The following WARS1 variants were observed in gnomAD, a reference collection of about 807,000 sequenced individuals.
WARS1 encodes the protein tryptophanyl-tRNA synthetase 1.
WARS1 carries 17 observed loss-of-function variants against 47.8 expected under a neutral mutation model. The ratio of observed to expected loss-of-function variants is 0.36; its 90% CI spans 0.24 to 0.53. WARS1 has a LOEUF of 0.53. Ranked by LOEUF, WARS1 falls within the 20% of genes least tolerant of loss-of-function variation. WARS1 has a pLI of 0.91. For missense variants in WARS1, 434 were observed against 608.0 expected, an observed-to-expected ratio of 0.71 and a Z score of 3.01; for synonymous variants, 208 against 228.1, an observed-to-expected ratio of 0.91 and a Z score of 0.79.
chr14:100,350,167 G>A (rs1199736967), intron 6 of WARS1, among the ~76,000 whole-genome samples: 1 of 68,706 alleles, frequency 1.5e-5, no homozygotes, highest in East Asian at 4.9e-4. Context: ...TGGTCGAGGC[G>A]GGTGGATCAC....
chr14:100,337,789 T>C (rs912317500), intron 9 of WARS1, among the ~76,000 whole-genome samples: 1 of 151,930 alleles, frequency 6.6e-6, no homozygotes, highest in African/African-American at 2.4e-5. Context: ...ACTCAGGAGT[T>C]TGAGGTTATA....
intron 1 of WARS1, among the ~76,000 whole-genome samples, chr14:100,371,779 GA>G (rs1371382366): frequency 1.3e-5 from 2 of 152,050 alleles, no homozygotes; most frequent in Non-Finnish European, 2.9e-5. Context: ...CGGGTGCTGT[GA>G]GCGGTGGCTC....
At chr14:100,353,604 G>A in intron 6 of WARS1, 83 bp downstream of exon 6, 2 of 1,503,296 alleles carry the variant, frequency 1.3e-6, no homozygotes, top group South Asian at 1.3e-5. Context: ...GACCATTTCA[G>A]TTGTTTCGAA....
At chr14:100,358,872 C>T (rs1363974119) in intron 4 of WARS1, among the ~76,000 whole-genome samples, 1 of 152,170 alleles carries the variant, frequency 6.6e-6, no homozygotes, top group African/African-American at 2.4e-5. Flanking sequence ...TCTGAATAGA[C>T]ATTTCTCTAA....
intron 6 of WARS1, 116 bp from the exon 7 acceptor site, chr14:100,346,962 C>G: frequency 1.1e-6 from 1 of 871,346 alleles, no homozygotes; most frequent in Non-Finnish European, 1.8e-6. Context: ...CTCGGGGCCA[C>G]ATTGTGGTCA....
Position 100,353,719 on chromosome 14 carries a change from C to T in WARS1, c.693G>A (p.Lys231=), listed in dbSNP as rs552636530. The part of the protein sequence containing the change: ...DIIACGFDIN[K]TFIFSDLDYM... ...AGTCCAGGTCAGAGAATATGAAAGT[C>T]TTGTTGATGTCAAAGCCACAGGCGA... is the stretch of plus-strand genomic sequence containing the variant. The change falls in exon 6 of 11, where the codon AAG becomes AAA. Residue 231 remains lysine (K), a synonymous_variant. Transcript: ENST00000392882. 6.2e-7 allele frequency: 1 copy of T among 1,614,194 alleles called. No individual in the cohort carries two copies. The highest frequency in any genetic ancestry group is 1.7e-5 in the Admixed American group (1 of 60,026).
intron 1 of WARS1, among the ~76,000 whole-genome samples, chr14:100,372,361 C>A (rs1896405197): frequency 6.6e-6 from 1 of 152,036 alleles, no homozygotes; most frequent in South Asian, 2.1e-4. Flanking sequence ...GTATGTAAAT[C>A]AAAACTTATT....
intron 9 of WARS1, among the ~76,000 whole-genome samples, chr14:100,339,312 G>GC (rs1378866580): frequency 6.6e-6 from 1 of 151,426 alleles, no homozygotes; most frequent in Admixed American, 6.6e-5. Context: ...CATGCGAGGG[G>GC]CTGGCGCAGT....
At chr14:100,339,037 C>T (rs534872528) in intron 9 of WARS1, among the ~76,000 whole-genome samples, 150 of 151,568 alleles carry the variant, frequency 9.9e-4, no homozygotes, top group Middle Eastern at 3.4e-3. Flanking sequence ...ACCCGGGAGG[C>T]GGAGGTTGTG....
Position 100,346,742 on chromosome 14 carries a change from T to C in WARS1, c.826+4A>G. The C allele has an allele frequency of 6.2e-7, 1 of 1,612,804 alleles. No homozygotes were observed. Among genetic ancestry groups the C allele is most frequent in the Non-Finnish European group, 8.5e-7 (1 of 1,178,792 alleles). The stretch of plus-strand genomic sequence containing the variant: ...GTGGTCCACAGCAGCAGTGGGCCTC[T>C]TACCAATGCAGTCGCTGTCAGTGAA... On this transcript the variant is annotated splice_donor_region_variant and intron_variant, in intron 7 of 10. Transcript: ENST00000392882.
At position 100,334,862 on chromosome 14, in the gene WARS1, T is replaced by C; in HGVS notation, c.*13A>G. 6.2e-7 allele frequency: 1 copy of C among 1,613,304 alleles called. No individual in the cohort carries two copies. The stretch of plus-strand genomic sequence containing the variant: ...ATACATCACTTCTTTTATAAGCATA[T>C]GTAAAACGAGTGCTACTGAAAGTCG... On this transcript the variant is annotated 3_prime_UTR_variant, in exon 11 of 11. Transcript: ENST00000392882.
chr14:100,343,213 A>C lies in WARS1; in HGVS notation c.939+62T>G, dbSNP rs1894292282. On this transcript the variant is annotated intron_variant, in intron 8 of 10. Coordinates refer to ENST00000392882, the MANE Select transcript of WARS1 (RefSeq NM_004184.4). ...CTTTCAATACCTCTCCCCGCTGAAGAGTAAGAGGAACCTGCTGTCAATGCC... is the reference window on the plus strand; with the variant it reads ...CTTTCAATACCTCTCCCCGCTGAAGCGTAAGAGGAACCTGCTGTCAATGCC... 2.1e-6 allele frequency: 3 copies of C among 1,405,292 alleles called. No individual in the cohort carries two copies. In the South Asian group the frequency reaches 3.8e-5, roughly 18 times the overall value. 87.1% of individuals were successfully genotyped at this position (1,405,292 alleles called of 1,614,324 possible). A position where few individuals can be genotyped will look rare whatever the true frequency, so the allele number is the denominator to read the frequency against.
chr14:100,344,856 G>A (rs1230980802), intron 7 of WARS1, among the ~76,000 whole-genome samples: 2 of 148,040 alleles, frequency 1.4e-5, no homozygotes, highest in African/African-American at 5.0e-5. Context: ...GCAACCGCCC[G>A]CCTGAGAAGT....
At position 100,366,768 on chromosome 14, in the gene WARS1, A is replaced by G. The variant is rs1238119676; in HGVS notation, c.99+2319T>C. On this transcript the variant is annotated intron_variant, in intron 2 of 10. Transcript: ENST00000392882. ...GGGCTAAGGGATCCGTGGGGCCACA[A>G]TGAAGCTTGAAGATACATGGGTGGC... 3.5e-5 allele frequency: 37 copies of G among 1,043,826 alleles called. No individual in the cohort carries two copies. In the Admixed American group the frequency reaches 4.2e-4, roughly 12 times the overall value. 64.7% of individuals were successfully genotyped at this position (1,043,826 alleles called of 1,614,324 possible). A position where few individuals can be genotyped will look rare whatever the true frequency, so the allele number is the denominator to read the frequency against.
At chr14:100,364,817 T>A (rs997273936) in intron 2 of WARS1, among the ~76,000 whole-genome samples, 1 of 152,244 alleles carries the variant, frequency 6.6e-6, no homozygotes, top group African/African-American at 2.4e-5. Flanking sequence ...CCCAAAATGA[T>A]GGGCTTACAT....
rs1363142501 is a variant in WARS1 at position 100,342,679 on chromosome 14, CAAAG to C, written c.940-112_940-109del. Reference sequence around the variant, plus strand: ...CCCAGAAGGCTCTCATGCTTCCAACCAAAGAAATTCACTCCCTCCTCCCCTTCAT... The same window carrying C: ...CCCAGAAGGCTCTCATGCTTCCAACCAAATTCACTCCCTCCTCCCCTTCAT... On this transcript the variant is annotated intron_variant, in intron 8 of 10. Coordinates refer to ENST00000392882, the MANE Select transcript of WARS1 (RefSeq NM_004184.4). 3 of 1,023,982 alleles carry C rather than the reference CAAAG, an allele frequency of 2.9e-6. No individual in the cohort carries two copies. In the Admixed American group the frequency reaches 8.8e-5, roughly 30 times the overall value. The allele number at this position is 1,023,982 out of a possible 1,614,324, so 63.4% of individuals were successfully genotyped here. A position where few individuals can be genotyped will look rare whatever the true frequency, so the allele number is the denominator to read the frequency against.
chr14:100,376,300 C>G (rs2273804), upstream of WARS1: 247,344 of 1,026,592 alleles, frequency 0.24, 31,279 homozygotes, highest in Non-Finnish European at 0.26. Context: ...GCTCAGCAAC[C>G]GGCTGTCTCC....
chr14:100,351,117 A>C (rs1894951231), intron 6 of WARS1, among the ~76,000 whole-genome samples: 2 of 152,250 alleles, frequency 1.3e-5, no homozygotes, highest in South Asian at 2.1e-4. Context: ...ATGTCATCTA[A>C]GGAGGAGAGC....
chr14:100,340,917 C>CTT lies in WARS1; in HGVS notation c.1113+1479_1113+1480dup, dbSNP rs71113263. ...TAAACAAGTTTTTCTTTTTTCTTTTCTTTTTTTTTTTTTTTGAGCTGGAGT... is the reference window on the plus strand; with the variant it reads ...TAAACAAGTTTTTCTTTTTTCTTTTCTTTTTTTTTTTTTTTTTGAGCTGGAGT... On this transcript the variant is annotated intron_variant, in intron 9 of 10. Transcript: ENST00000392882. Among the ~76,000 whole-genome samples, 364 of 137,230 alleles carry CTT rather than the reference C, an allele frequency of 2.7e-3. 5 individuals carry two copies. Among genetic ancestry groups the CTT allele is most frequent in the South Asian group, 6.1e-3 (26 of 4,268 alleles). 90.0% of individuals were successfully genotyped at this position (137,230 alleles called of 152,430 possible).
Sources: gnomAD v4.1 joint callset for allele counts (sites outside exome capture counted in the v4.1 genomes callset) on GRCh38, gnomAD v4.1.1 for gene constraint, MANE v1.5 for transcripts, NCBI Gene and HGNC (gene_info 2026-07-23, HGNC 2026-07-21) for gene names.